SEMA3E: variants seen among roughly 807,000 people sequenced by gnomAD.
SEMA3E encodes the protein semaphorin-3E.
SEMA3E carries 49 observed loss-of-function variants against 93.6 expected under a neutral mutation model. That is an observed-to-expected ratio of 0.52 (90% confidence interval 0.42 to 0.66). The LOEUF is 0.66. Ranked by LOEUF, SEMA3E falls within the 30% of genes least tolerant of loss-of-function variation. The probability of loss-of-function intolerance (pLI) is 0.00; values close to 1 mark genes in which losing one functional copy is unlikely to be tolerated. For synonymous variants in SEMA3E, 363 were observed against 330.7 expected (o/e 1.10, Z -1.06); for missense variants, 906 against 964.8 (o/e 0.94, Z 0.81).
At chr7:83,505,997 A>G (rs1190904575) in intron 1 of SEMA3E, among the ~76,000 whole-genome samples, 1 of 137,530 alleles carries the variant, frequency 7.3e-6, no homozygotes, top group Non-Finnish European at 1.5e-5. Flanking sequence ...CCTGGGCAAC[A>G]GTGCTAGACT....
At chr7:83,521,120 A>C (rs1562817298) in intron 1 of SEMA3E, among the ~76,000 whole-genome samples, 1 of 151,714 alleles carries the variant, frequency 6.6e-6, no homozygotes, top group Non-Finnish European at 1.5e-5. Context: ...GTATAGATGC[A>C]CAAAATGTTG....
At chr7:83,611,450 C>T (rs892385479) in intron 1 of SEMA3E, among the ~76,000 whole-genome samples, 15 of 147,870 alleles carry the variant, frequency 1.0e-4, no homozygotes, top group African/African-American at 3.7e-4. Context: ...ATAGGTCACT[C>T]ATCTTCAACC....
At chr7:83,586,207 C>T (rs1792623606) in intron 1 of SEMA3E, among the ~76,000 whole-genome samples, 1 of 152,146 alleles carries the variant, frequency 6.6e-6, no homozygotes, top group South Asian at 2.1e-4. Flanking sequence ...GACTGAATTA[C>T]TTGAGCTCAA....
In SEMA3E at chr7:83,531,341, C is replaced by CTTTTTTTT. The variant is rs144165250; in HGVS notation, c.116-41075_116-41068dup. 1.0e-4 allele frequency among the ~76,000 whole-genome samples: 7 copies of CTTTTTTTT among 68,142 alleles called. 1 individual carries two copies. The highest frequency in any genetic ancestry group is 4.6e-4 in the East Asian group (1 of 2,158). The allele number at this position is 68,142 out of a possible 152,430, so 44.7% of individuals were successfully genotyped here. A position where few individuals can be genotyped will look rare whatever the true frequency, so the allele number is the denominator to read the frequency against. On this transcript the variant is annotated intron_variant, in intron 1 of 16. Transcript: ENST00000643230. ...ATGTGTGCTTCTTGATTGGAATATT[C>CTTTTTTTT]TTTTTTTTTTTTTTTTTTTTTCCGA...
chr7:83,583,330 T>C (rs1301755549), intron 1 of SEMA3E, among the ~76,000 whole-genome samples: 1 of 152,180 alleles, frequency 6.6e-6, no homozygotes, highest in Non-Finnish European at 1.5e-5. Flanking sequence ...ATTTTCATCA[T>C]TTGAAACACT....
chr7:83,379,146 C>T (rs963509481), intron 16 of SEMA3E, among the ~76,000 whole-genome samples: 2 of 151,476 alleles, frequency 1.3e-5, no homozygotes, highest in Non-Finnish European at 3.0e-5. Context: ...ATAACTCAAA[C>T]GAAAGTCAAA....
chr7:83,436,549 A>C (rs764666813), intron 4 of SEMA3E, among the ~76,000 whole-genome samples: 2 of 152,012 alleles, frequency 1.3e-5, no homozygotes, highest in Admixed American at 6.6e-5. Flanking sequence ...TTCTGTGACT[A>C]TTATGAGAAT....
In SEMA3E at chr7:83,587,215, A is replaced by G. The variant is rs1031079794; in HGVS notation, c.115+61213T>C. On this transcript the variant is annotated intron_variant, in intron 1 of 16. Transcript: ENST00000643230. ...TTATATATATATGTTCACAAACTCA[A>G]GTTAGAATTTTAACCAATTTGAGGC... is the stretch of plus-strand genomic sequence containing the variant. Among the ~76,000 whole-genome samples the G allele has an allele frequency of 2.7e-4, 41 of 152,322 alleles. No individual in the cohort carries two copies. In the East Asian group the frequency reaches 7.5e-3, roughly 28 times the overall value.
rs145463209 is a variant in SEMA3E, at chr7:83,596,379, C to T, written c.115+52049G>A. ...AACCCTGGCTTCTTTTAACGGAGAA[C>T]GATATCCACTGGATATGCTCATTAC... On this transcript the variant is annotated intron_variant, in intron 1 of 16. Transcript: ENST00000643230. Among the ~76,000 whole-genome samples the T allele has an allele frequency of 2.9e-4, 44 of 152,092 alleles. No individual in the cohort carries two copies. In the East Asian group the frequency reaches 7.5e-3, roughly 26 times the overall value.
At chr7:83,568,570 A>G (rs1268804372) in intron 1 of SEMA3E, among the ~76,000 whole-genome samples, 4 of 152,190 alleles carry the variant, frequency 2.6e-5, no homozygotes, top group Non-Finnish European at 4.4e-5. Context: ...ATGGATTAAC[A>G]TATGCAAACC....
intron 1 of SEMA3E, among the ~76,000 whole-genome samples, chr7:83,606,675 G>C (rs1793128024): frequency 6.8e-6 from 1 of 146,390 alleles, no homozygotes; most frequent in East Asian, 2.0e-4. Flanking sequence ...TGACACGTTA[G>C]TGGGTGCAGC....
At chr7:83,531,337 T>C (rs1452237253) in intron 1 of SEMA3E, among the ~76,000 whole-genome samples, 1 of 121,494 alleles carries the variant, frequency 8.2e-6, no homozygotes, top group Non-Finnish European at 1.8e-5. Context: ...TTGATTGGAA[T>C]ATTCTTTTTT....
intron 1 of SEMA3E, among the ~76,000 whole-genome samples, chr7:83,536,832 T>C (rs1045992379): frequency 6.6e-6 from 1 of 152,144 alleles, no homozygotes; most frequent in Non-Finnish European, 1.5e-5. Context: ...AGTATTTAGT[T>C]TCCATTTTAT....
chr7:83,512,023 A>G (rs966202436), intron 1 of SEMA3E, among the ~76,000 whole-genome samples: 4 of 152,208 alleles, frequency 2.6e-5, no homozygotes, highest in Non-Finnish European at 5.9e-5. Context: ...GGTACAAGAG[A>G]TTAAAAGTTA....
At chr7:83,609,741 A>C (rs1332091195) in intron 1 of SEMA3E, among the ~76,000 whole-genome samples, 1 of 152,032 alleles carries the variant, frequency 6.6e-6, no homozygotes, top group African/African-American at 2.4e-5. Flanking sequence ...CATTAAAAAC[A>C]ATCTTGCATA....
chr7:83,489,239 C>T (rs965646781), intron 2 of SEMA3E, among the ~76,000 whole-genome samples: 3 of 151,906 alleles, frequency 2.0e-5, no homozygotes, highest in African/African-American at 7.3e-5. Context: ...AGATGTATTT[C>T]TTAACAGATA....
intron 1 of SEMA3E, among the ~76,000 whole-genome samples, chr7:83,624,936 T>G (rs1378655439): frequency 6.6e-6 from 1 of 152,232 alleles, no homozygotes; most frequent in Non-Finnish European, 1.5e-5. Flanking sequence ...TTCAGTTCTC[T>G]GCATATAGCT....
rs868840857 is a variant in SEMA3E at position 83,487,682 on chromosome 7, C to T, written c.276+2432G>A. ...CCATTGAATTTGACTGGCAGGAGGT[C>T]GTGTGTGTGTGTGTGTGTGTGTGTG... is the stretch of plus-strand genomic sequence containing the variant. On this transcript the variant is annotated intron_variant, in intron 2 of 16. Coordinates refer to ENST00000643230, the MANE Select transcript of SEMA3E (RefSeq NM_012431.3). Among the ~76,000 whole-genome samples the T allele has an allele frequency of 3.5e-5, 5 of 144,538 alleles. No individual in the cohort carries two copies. The South Asian group carries it at 6.9e-4, about 20-fold the overall frequency. 94.8% of individuals were successfully genotyped at this position (144,538 alleles called of 152,430 possible).
At chr7:83,429,383 A>G (rs1000068753) in intron 4 of SEMA3E, among the ~76,000 whole-genome samples, 19 of 152,188 alleles carry the variant, frequency 1.2e-4, no homozygotes, top group African/African-American at 4.1e-4. Flanking sequence ...CTTTATGCCA[A>G]TATTACAACT....
Sources: gnomAD v4.1 joint callset for allele counts (sites outside exome capture counted in the v4.1 genomes callset) on GRCh38, gnomAD v4.1.1 for gene constraint, MANE v1.5 for transcripts, NCBI Gene and HGNC (gene_info 2026-07-23, HGNC 2026-07-21) for gene names.